The following SLC38A5 variants were observed in gnomAD, a reference collection of about 807,000 sequenced individuals.
The protein encoded by SLC38A5 is solute carrier family 38 member 5.
A neutral mutation model predicts 34.6 loss-of-function variants in SLC38A5; 9 were observed. The ratio of observed to expected loss-of-function variants is 0.26; its 90% confidence interval spans 0.16 to 0.45. SLC38A5 has a LOEUF of 0.45. SLC38A5 is among the 20% of genes least tolerant of loss of function. SLC38A5 has a pLI of 1.00. For missense variants in SLC38A5, 253 were observed against 394.7 expected, an observed-to-expected ratio of 0.64 and a Z score of 3.04; for synonymous variants, 157 against 155.6, an observed-to-expected ratio of 1.01 and a Z score of -0.07.
At position 48,466,963 on chromosome X, in the gene SLC38A5, G is replaced by A. The variant is rs1047082332; in HGVS notation, c.244C>T (p.Leu82=). The A allele has an allele frequency of 4.1e-6, 5 of 1,210,172 alleles. No homozygotes were observed. The East Asian group carries it at 1.5e-4, about 36-fold the overall frequency. Residue 82 remains leucine (L), a splice_region_variant and synonymous_variant, in exon 5 of 17, where the codon CTG becomes TTG. Coordinates refer to ENST00000620913, the MANE Select transcript of SLC38A5 (RefSeq NM_033518.4). ...CCCGCAGGCCACCTATGGACTCACA[G>A]GAAGAAGATGACCCCCGTGTGGGCC... ...AMAHTGVIFF[L]ALLLCIALLS... is the part of the protein sequence containing the mutation.
At chrX:48,463,191 G>C (rs2061446516) in intron 8 of SLC38A5, among the ~76,000 whole-genome samples, 1 of 112,817 alleles carries the variant, frequency 8.9e-6, no homozygotes, top group African/African-American at 3.2e-5. Flanking sequence ...GAGATTGTCA[G>C]ATACTATCAG....
At chrX:48,468,836 G>C (rs1356062748) in intron 2 of SLC38A5, 16 of 751,770 alleles carry the variant, frequency 2.1e-5, no homozygotes, top group Non-Finnish European at 2.5e-5. Context: ...CCCTCCGGAG[G>C]AAGAGCTATT....
At chrX:48,460,108 G>A (rs1418185722) in intron 14 of SLC38A5, among the ~76,000 whole-genome samples, 3 of 110,504 alleles carry the variant, frequency 2.7e-5, no homozygotes, top group South Asian at 7.7e-4. Context: ...AACACCCATC[G>A]GCACCTGCAC....
rs1556961664 is a variant in SLC38A5, at chrX:48,460,728, T to C, written c.989A>G (p.Gln330Arg). 2.5e-6 allele frequency: 3 copies of C among 1,211,999 alleles called. No homozygotes were observed. Among genetic ancestry groups the C allele is most frequent in the South Asian group, 3.5e-5 (2 of 56,975 alleles). ...VKAEMLHMYS[Q>R]KDPLILCVRL... Reference sequence around the variant, plus strand: ...CACACAGAGGATGAGCGGGTCCTTCTGGCTGTACATGTGCAGCATCTCCGC... The same window carrying C: ...CACACAGAGGATGAGCGGGTCCTTCCGGCTGTACATGTGCAGCATCTCCGC... Residue 330 changes from glutamine to arginine, a missense_variant, in exon 14 of 17, where the codon CAG becomes CGG. Transcript: ENST00000620913.
At position 48,466,257 on chromosome X, in the gene SLC38A5, T is replaced by C. The variant is rs1556963237; in HGVS notation, c.385A>G (p.Thr129Ala). Residue 129 changes from threonine (T) to alanine (A), a missense_variant, in exon 7 of 17, where the codon ACA becomes GCA. Transcript: ENST00000620913. ...FGPAGKVVVA[T>A]VICLHNVGAM... Reference sequence around the variant, plus strand: ...CCAACATTGTGCAGACAGATGACTGTGGCCACCACTACCTTCCCCGCAGGC... The same window carrying C: ...CCAACATTGTGCAGACAGATGACTGCGGCCACCACTACCTTCCCCGCAGGC... The C allele has an allele frequency of 8.3e-7, 1 of 1,207,435 alleles. No individual in the cohort carries two copies. The highest frequency in any genetic ancestry group is 1.1e-6 in the Non-Finnish European group (1 of 893,653).
chrX:48,469,062 T>G (rs1277232776), intron 2 of SLC38A5: 4 of 751,743 alleles, frequency 5.3e-6, no homozygotes, highest in Non-Finnish European at 6.3e-6. Flanking sequence ...GCTCAGGAAA[T>G]CCTTTTCCCA....
At chrX:48,468,986 G>T in intron 2 of SLC38A5, 1 of 753,290 alleles carries the variant, frequency 1.3e-6, no homozygotes, top group African/African-American at 2.3e-5. Context: ...TCCCTCCCGC[G>T]CTTACTCCTT....
rs782434538 is a variant in SLC38A5 at position 48,466,842 on chromosome X, C to G, written c.276G>C (p.Ser92=). The change falls in exon 6 of 17, where the codon TCG becomes TCC. Residue 92 remains serine, a synonymous_variant. Transcript: ENST00000620913. ...TCAGCAGGAGGTGGATGGAGTAGGACGACAGAAGCGCAATGCACAGCAGCA... is the reference window on the plus strand; with the variant it reads ...TCAGCAGGAGGTGGATGGAGTAGGAGGACAGAAGCGCAATGCACAGCAGCA... ...LALLLCIALL[S]SYSIHLLLTC... 61 of 1,204,629 alleles carry G rather than the reference C, an allele frequency of 5.1e-5. No individual in the cohort carries two copies. Among genetic ancestry groups the G allele is most frequent in the Non-Finnish European group, 6.5e-5 (58 of 892,562 alleles).
chrX:48,460,138 C>T (rs1012125395), intron 14 of SLC38A5, among the ~76,000 whole-genome samples: 49 of 110,979 alleles, frequency 4.4e-4, no homozygotes, highest in African/African-American at 1.4e-3. Context: ...GAAATCCTTG[C>T]CTCCTCCTCT....
At chrX:48,464,843 A>G (rs1463109057) in intron 8 of SLC38A5, among the ~76,000 whole-genome samples, 5 of 110,316 alleles carry the variant, frequency 4.5e-5, no homozygotes, top group African/African-American at 1.7e-4. Context: ...CTGAGGAAGG[A>G]GAATCGCTTG....
chrX:48,459,729 G>T lies in SLC38A5; in HGVS notation c.1213+3C>A, dbSNP rs1401258774. The T allele has an allele frequency of 8.3e-7, 1 of 1,208,239 alleles. No homozygotes were observed. The highest frequency in any genetic ancestry group is 1.1e-6 in the Non-Finnish European group (1 of 894,482). ...GTATGGGACTGGGGTGAGGTTTACT[G>T]ACCGATAACTCCAAAGATATCCCGG... On this transcript the variant is annotated splice_donor_region_variant and intron_variant, in intron 15 of 16. Transcript: ENST00000620913.
rs782187737 is a variant in SLC38A5, at chrX:48,462,332, C to T, written c.575-41G>A. ...CACAGAGTCTCAGAAATCAGCCAGG[C>T]GTGGTGGCTCACACCTATAATCCTA... On this transcript the variant is annotated intron_variant, in intron 9 of 16. Transcript: ENST00000620913. 10 of 1,164,610 alleles carry T rather than the reference C, an allele frequency of 8.6e-6. No individual in the cohort carries two copies. The Admixed American group carries it at 9.3e-5, about 11-fold the overall frequency.
chrX:48,465,161 T>C (rs2061466631), intron 8 of SLC38A5, among the ~76,000 whole-genome samples: 1 of 111,881 alleles, frequency 8.9e-6, no homozygotes, highest in Admixed American at 9.5e-5. Context: ...CTAGCCCTGC[T>C]GGAGTCCCAT....
intron 12 of SLC38A5, among the ~76,000 whole-genome samples, 165 bp from the exon 13 acceptor site, chrX:48,461,251 C>G (rs1340554596): frequency 9.0e-6 from 1 of 110,961 alleles, no homozygotes; most frequent in African/African-American, 3.3e-5. Context: ...GCCAAAATCC[C>G]CTCTCTGACC....
intron 14 of SLC38A5, 149 bp from the exon 15 acceptor site, chrX:48,460,025 A>C: frequency 1.3e-6 from 1 of 763,874 alleles, no homozygotes; most frequent in African/African-American, 2.1e-5. Context: ...CTAACCCAAC[A>C]TCTGTGTCTC....
At chrX:48,461,886 A>G in intron 11 of SLC38A5, 89 bp from the exon 12 acceptor site, 1 of 1,079,586 alleles carries the variant, frequency 9.3e-7, no homozygotes, top group Non-Finnish European at 1.2e-6. Context: ...ATCGCCCTCC[A>G]TATCAGACAC....
chrX:48,467,562 G>A (rs1556963802), intron 4 of SLC38A5, 148 bp downstream of exon 4: 1 of 534,437 alleles, frequency 1.9e-6, no homozygotes, highest in Non-Finnish European at 3.1e-6. Context: ...ATCTGGAGAG[G>A]GGAGCGACCA....
Position 48,461,256 on chromosome X carries a change from C to T in SLC38A5, c.852-170G>A, listed in dbSNP as rs550012877. Among the ~76,000 whole-genome samples, 236 of 111,112 alleles carry T rather than the reference C, an allele frequency of 2.1e-3. 1 individual carries two copies. Among genetic ancestry groups the T allele is most frequent in the South Asian group, 5.3e-3 (14 of 2,621 alleles). ...CCTGTGACTAGCCAAAATCCCCTCT[C>T]TGACCATCCATATCTCCCCCGATAT... is the stretch of plus-strand genomic sequence containing the variant. On this transcript the variant is annotated intron_variant, in intron 12 of 16. Transcript: ENST00000620913.
At chrX:48,465,720 T>C (rs1054354890) in intron 8 of SLC38A5, among the ~76,000 whole-genome samples, 19 of 111,448 alleles carry the variant, frequency 1.7e-4, no homozygotes, top group African/African-American at 6.2e-4. Context: ...TCTGAGTCCA[T>C]TGGCTATGTA....
Sources: allele counts gnomAD v4.1 joint callset (sites outside exome capture counted in the v4.1 genomes callset), GRCh38; gene constraint gnomAD v4.1.1; transcripts MANE v1.5; gene names NCBI Gene and HGNC (gene_info 2026-07-23, HGNC 2026-07-21).